The following NDST3 variants were observed in gnomAD, a reference collection of about 807,000 sequenced individuals.
The protein encoded by NDST3 is N-deacetylase and N-sulfotransferase 3.
Under a neutral mutation model 96.1 loss-of-function variants are expected in NDST3, and 58 were observed. That is an observed-to-expected ratio of 0.60 (90% CI 0.49 to 0.75). NDST3 has a LOEUF of 0.75. Ranked by LOEUF, NDST3 falls within the 30% of genes least tolerant of loss-of-function variation. The pLI, the probability that NDST3 is intolerant of heterozygous loss-of-function variation, is 0.00. For missense variants in NDST3, 788 were observed against 1,034.2 expected (o/e 0.76, Z 3.27); for synonymous variants, 333 against 359.7 (o/e 0.93, Z 0.84).
At chr4:118,190,050 A>C (rs567127400) in intron 6 of NDST3, among the ~76,000 whole-genome samples, 1 of 151,956 alleles carries the variant, frequency 6.6e-6, no homozygotes, top group Non-Finnish European at 1.5e-5. Flanking sequence ...TACACATTTT[A>C]TGTCTTTATT....
chr4:118,051,321 A>T (rs1017349012), intron 1 of NDST3, among the ~76,000 whole-genome samples: 1 of 152,116 alleles, frequency 6.6e-6, no homozygotes, highest in African/African-American at 2.4e-5. Context: ...TAAATCTAAG[A>T]AATACTGTTT....
At chr4:118,127,655 G>C (rs930138225) in intron 4 of NDST3, among the ~76,000 whole-genome samples, 4 of 151,856 alleles carry the variant, frequency 2.6e-5, no homozygotes, top group Admixed American at 6.6e-5. Context: ...TTTTTGTTCA[G>C]GATAGCTTTG....
chr4:118,199,428 G>A (rs1333086155), intron 6 of NDST3, among the ~76,000 whole-genome samples: 1 of 151,928 alleles, frequency 6.6e-6, no homozygotes, highest in Non-Finnish European at 1.5e-5. Context: ...TAATCTCTTT[G>A]TCAAATTCAT....
At chr4:118,152,219 T>C (rs1734444900) in intron 6 of NDST3, among the ~76,000 whole-genome samples, 1 of 152,154 alleles carries the variant, frequency 6.6e-6, no homozygotes, top group South Asian at 2.1e-4. Flanking sequence ...TTATGTATCG[T>C]TGTGTTCTGT....
At chr4:118,239,430 T>A (rs551820569) in intron 10 of NDST3, among the ~76,000 whole-genome samples, 1 of 152,232 alleles carries the variant, frequency 6.6e-6, no homozygotes, top group South Asian at 2.1e-4. Flanking sequence ...AATCCACCAT[T>A]CTATACTAAT....
intron 5 of NDST3, among the ~76,000 whole-genome samples, chr4:118,140,203 G>T (rs1733458714): frequency 6.6e-6 from 1 of 151,982 alleles, no homozygotes; most frequent in South Asian, 2.1e-4. Context: ...AGACTTTCTG[G>T]CCACTATCTA....
intron 1 of NDST3, among the ~76,000 whole-genome samples, chr4:118,052,006 T>G (rs926054068): frequency 1.3e-5 from 2 of 152,000 alleles, no homozygotes; most frequent in African/African-American, 4.8e-5. Flanking sequence ...AACAGAGCTA[T>G]CACTTGACCA....
chr4:118,075,927 G>T (rs945641639), intron 2 of NDST3, among the ~76,000 whole-genome samples: 7 of 152,020 alleles, frequency 4.6e-5, no homozygotes, highest in African/African-American at 1.7e-4. Flanking sequence ...GTCTATTTTG[G>T]CTTTTGTTGC....
At chr4:118,038,984 G>T (rs1201401623) in intron 1 of NDST3, among the ~76,000 whole-genome samples, 1 of 152,138 alleles carries the variant, frequency 6.6e-6, no homozygotes, top group Non-Finnish European at 1.5e-5. Flanking sequence ...GCAATACTTT[G>T]CAGAATATAT....
chr4:118,173,152 GTGTA>G (rs1056659402), intron 6 of NDST3, among the ~76,000 whole-genome samples: 17 of 149,022 alleles, frequency 1.1e-4, no homozygotes, highest in South Asian at 4.4e-4. Flanking sequence ...GTGTGTGTGT[GTGTA>G]TATATATATA....
chr4:118,132,803 T>G (rs1272189954), intron 4 of NDST3, among the ~76,000 whole-genome samples: 3 of 152,122 alleles, frequency 2.0e-5, no homozygotes, highest in Non-Finnish European at 4.4e-5. Context: ...TGGATCTTTC[T>G]CTTCAAGACA....
chr4:118,080,215 G>A (rs1727899436), intron 2 of NDST3, among the ~76,000 whole-genome samples: 1 of 151,800 alleles, frequency 6.6e-6, no homozygotes, highest in Admixed American at 6.6e-5. Context: ...GGGAGGGTGG[G>A]AGCAAGAATT....
chr4:118,135,116 G>A (rs1732965354), intron 4 of NDST3, among the ~76,000 whole-genome samples: 2 of 152,158 alleles, frequency 1.3e-5, no homozygotes, highest in South Asian at 4.1e-4. Context: ...TCTCTCTGGT[G>A]ATGAATGCAA....
At chr4:118,140,352 A>G (rs1302122234) in intron 5 of NDST3, among the ~76,000 whole-genome samples, 29 of 152,114 alleles carry the variant, frequency 1.9e-4, no homozygotes, top group Admixed American at 1.8e-3. Context: ...CCTACAACAC[A>G]TCATTTTGTA....
chr4:118,105,844 T>C (rs917666766), intron 3 of NDST3, among the ~76,000 whole-genome samples: 1 of 152,174 alleles, frequency 6.6e-6, no homozygotes, highest in African/African-American at 2.4e-5. Context: ...AGGAATGGAA[T>C]TGCTAGTTAT....
At position 118,240,739 on chromosome 4, in the gene NDST3, T is replaced by G. The variant is rs184902634; in HGVS notation, c.2289+45T>G. On this transcript the variant is annotated intron_variant, in intron 11 of 13. Coordinates refer to ENST00000296499, the MANE Select transcript of NDST3 (RefSeq NM_004784.3). Reference sequence around the variant, plus strand: ...TACATCATGTTAGAATCTCATTAAGTTGATGACTTTGCCTTAAGGTTAAGA... The same window carrying G: ...TACATCATGTTAGAATCTCATTAAGGTGATGACTTTGCCTTAAGGTTAAGA... 1.8e-5 allele frequency: 27 copies of G among 1,533,086 alleles called. No individual in the cohort carries two copies. In the African/African-American group the frequency reaches 3.3e-4, roughly 19 times the overall value. 95.0% of individuals were successfully genotyped at this position (1,533,086 alleles called of 1,614,324 possible). A position where few individuals can be genotyped will look rare whatever the true frequency, so the allele number is the denominator to read the frequency against.
At chr4:118,098,250 A>T (rs1718229776) in intron 2 of NDST3, among the ~76,000 whole-genome samples, 4 of 152,084 alleles carry the variant, frequency 2.6e-5, no homozygotes, top group Admixed American at 2.6e-4. Context: ...ATTTTAAATT[A>T]AGGTATTAAA....
chr4:118,037,610 A>G (rs569185149), intron 1 of NDST3, among the ~76,000 whole-genome samples: 1 of 152,296 alleles, frequency 6.6e-6, no homozygotes, highest in African/African-American at 2.4e-5. Context: ...AACAATTTCC[A>G]TCACTTCCCT....
At chr4:118,108,254 A>G (rs1272803410) in intron 3 of NDST3, among the ~76,000 whole-genome samples, 1 of 152,226 alleles carries the variant, frequency 6.6e-6, no homozygotes, top group Non-Finnish European at 1.5e-5. Flanking sequence ...ATCTCAGTGA[A>G]GAAGAGAATT....
Sources: gnomAD v4.1 joint callset for allele counts (sites outside exome capture counted in the v4.1 genomes callset) on GRCh38, gnomAD v4.1.1 for gene constraint, MANE v1.5 for transcripts, NCBI Gene and HGNC (gene_info 2026-07-23, HGNC 2026-07-21) for gene names.